The following GPHN variants were observed in gnomAD, a reference collection of about 807,000 sequenced individuals.
GPHN encodes gephyrin.
In GPHN, 17 loss-of-function variants were observed where a neutral mutation model predicts 95.5. That is an observed-to-expected ratio of 0.18 (90% CI 0.12 to 0.27). The LOEUF (loss-of-function observed/expected upper bound fraction) is 0.27, where lower values mean the gene tolerates loss of function less well. GPHN is among the 10% of genes least tolerant of loss of function. GPHN has a pLI of 1.00. For missense variants in GPHN, 660 were observed against 978.1 expected (o/e 0.67, Z 4.34); for synonymous variants, 320 against 322.5 (o/e 0.99, Z 0.08).
At chr14:66,644,055 A>G (rs550485926) in intron 1 of GPHN, among the ~76,000 whole-genome samples, 2 of 152,050 alleles carry the variant, frequency 1.3e-5, no homozygotes, top group South Asian at 2.1e-4. Context: ...AGTTCTTTCA[A>G]TTAATCAGTT....
chr14:67,337,800 T>C, the GPHN span: 1 of 152,368 alleles, frequency 6.6e-6, no homozygotes, highest in South Asian at 2.1e-4. Context: ...AAAAGTTACC[T>C]TATTTCTTAC....
At chr14:67,089,527 T>C (rs1293779862) in intron 12 of GPHN, among the ~76,000 whole-genome samples, 1 of 152,150 alleles carries the variant, frequency 6.6e-6, no homozygotes, top group Non-Finnish European at 1.5e-5. Context: ...ATTAAAACAC[T>C]GTACTTCAAT....
At chr14:67,067,379 G>C (rs1246753516) in intron 11 of GPHN, among the ~76,000 whole-genome samples, 1 of 152,220 alleles carries the variant, frequency 6.6e-6, no homozygotes, top group African/African-American at 2.4e-5. Flanking sequence ...CCTACTAGGA[G>C]ATGTCTTTCA....
intron 2 of GPHN, among the ~76,000 whole-genome samples, chr14:66,716,242 A>G (rs967198826): frequency 1.3e-5 from 2 of 152,132 alleles, no homozygotes; most frequent in African/African-American, 4.8e-5. Flanking sequence ...AAGGCCTTTT[A>G]CCATTATATA....
chr14:67,174,553 G>T (rs1316984479), intron 21 of GPHN, among the ~76,000 whole-genome samples: 1 of 152,162 alleles, frequency 6.6e-6, no homozygotes, highest in Non-Finnish European at 1.5e-5. Flanking sequence ...ATGTGCATGT[G>T]TCTTTATAGT....
At chr14:66,767,917 T>C (rs138503893) in intron 2 of GPHN, among the ~76,000 whole-genome samples, 190 of 152,068 alleles carry the variant, frequency 1.2e-3, no homozygotes, top group African/African-American at 4.3e-3. Flanking sequence ...CTTGCACATA[T>C]CAGGAAAAGA....
At chr14:67,053,399 G>A (rs931020240) in intron 10 of GPHN, among the ~76,000 whole-genome samples, 1 of 151,814 alleles carries the variant, frequency 6.6e-6, no homozygotes, top group African/African-American at 2.4e-5. Context: ...ACACACCCTC[G>A]CAAGACAGAA....
intron 1 of GPHN, among the ~76,000 whole-genome samples, chr14:66,635,993 A>G (rs546281681): frequency 2.0e-5 from 3 of 152,254 alleles, no homozygotes. Flanking sequence ...AAAAAGAAAA[A>G]GAAAAAGTGA....
intron 10 of GPHN, among the ~76,000 whole-genome samples, chr14:67,036,501 G>GCAAACACACACACACACA (rs2074428739): frequency 8.5e-6 from 1 of 118,148 alleles, no homozygotes; most frequent in African/African-American, 3.9e-5. Context: ...ATACATACAT[G>GCAAACACACACACACACA]CACACACACA....
the GPHN span, among the ~76,000 whole-genome samples, chr14:67,293,491 A>G: frequency 6.6e-6 from 1 of 152,178 alleles, no homozygotes; most frequent in Non-Finnish European, 1.5e-5. Context: ...CAGAACCTAT[A>G]AAATAGGTTA....
chr14:67,511,626 T>C, the GPHN span, among the ~76,000 whole-genome samples: 16 of 152,212 alleles, frequency 1.1e-4, no homozygotes, highest in Admixed American at 5.9e-4. Flanking sequence ...CCAGACTGGA[T>C]TGTGATCCAA....
chr14:66,699,169 A>G (rs539926835), intron 2 of GPHN, among the ~76,000 whole-genome samples: 52 of 152,272 alleles, frequency 3.4e-4, no homozygotes, highest in Non-Finnish European at 6.9e-4. Context: ...AGTTTTCTCA[A>G]TTGTTAAATG....
intron 12 of GPHN, among the ~76,000 whole-genome samples, chr14:67,091,175 A>G (rs955972404): frequency 6.6e-6 from 1 of 151,910 alleles, no homozygotes; most frequent in African/African-American, 2.4e-5. Context: ...TCTCAGGAAG[A>G]TTATCTTGGA....
the GPHN span, among the ~76,000 whole-genome samples, chr14:67,423,709 T>C: frequency 6.6e-6 from 1 of 152,168 alleles, no homozygotes; most frequent in Non-Finnish European, 1.5e-5. Context: ...CACAGCTTCT[T>C]CCTTTAGGCT....
At chr14:67,090,178 G>T (rs1053179934) in intron 12 of GPHN, among the ~76,000 whole-genome samples, 2 of 152,050 alleles carry the variant, frequency 1.3e-5, no homozygotes, top group African/African-American at 4.8e-5. Context: ...TGTTAAGCAT[G>T]CCAATTCCTT....
At chr14:67,406,215 C>A in the GPHN span, among the ~76,000 whole-genome samples, 1 of 149,662 alleles carries the variant, frequency 6.7e-6, no homozygotes, top group African/African-American at 2.5e-5. Context: ...GCCAAGATGG[C>A]GCCACTGCAC....
chr14:66,589,037 A>C (rs1352967033), intron 1 of GPHN, among the ~76,000 whole-genome samples: 1 of 151,276 alleles, frequency 6.6e-6, no homozygotes, highest in Non-Finnish European at 1.5e-5. Flanking sequence ...TGGATCTCTC[A>C]GTAGAAATCC....
At chr14:66,991,871 A>C (rs60976652) in intron 9 of GPHN, among the ~76,000 whole-genome samples, 5,225 of 75,520 alleles carry the variant, frequency 0.069, 114 homozygotes, top group African/African-American at 0.34. Flanking sequence ...GACCCTGTCT[A>C]AAAAAAAAAA....
At chr14:67,136,682 A>G (rs2080097960) in intron 17 of GPHN, among the ~76,000 whole-genome samples, 1 of 152,228 alleles carries the variant, frequency 6.6e-6, no homozygotes. Flanking sequence ...CAGTAGAGAT[A>G]AAACAGGATT....
Sources: allele counts gnomAD v4.1 joint callset (sites outside exome capture counted in the v4.1 genomes callset), GRCh38; gene constraint gnomAD v4.1.1; transcripts MANE v1.5; gene names NCBI Gene and HGNC (gene_info 2026-07-23, HGNC 2026-07-21).